Variants in SNX31 observed in about 807,000 individuals in gnomAD.
SNX31 encodes the protein sorting nexin-31.
Under a neutral mutation model 65.4 loss-of-function variants are expected in SNX31, and 58 were observed. The ratio of observed to expected loss-of-function variants is 0.89; its 90% CI spans 0.72 to 1.10. The LOEUF is 1.10. Ranked by LOEUF, SNX31 falls within the 50% of genes least tolerant of loss-of-function variation. The pLI, the probability that SNX31 is intolerant of heterozygous loss-of-function variation, is 0.00. For synonymous variants in SNX31, 181 were observed against 190.1 expected (o/e 0.95, Z 0.39); for missense variants, 523 against 529.7 (o/e 0.99, Z 0.12).
In SNX31 at chr8:100,594,401, C is replaced by A. The variant is rs181432620; in HGVS notation, c.978+2238G>T. The stretch of plus-strand genomic sequence containing the variant: ...AAATATTTGGAAACCAGATGGCCAA[C>A]AAAGAACAAGTATCTAGAATACATA... On this transcript the variant is annotated intron_variant, in intron 10 of 13. Coordinates refer to ENST00000311812, the MANE Select transcript of SNX31 (RefSeq NM_152628.4). This position sits in a 1 kb window ranked among gnomAD's most constrained non-coding sequence, Gnocchi z 4.0. 1.3e-5 allele frequency among the ~76,000 whole-genome samples: 2 copies of A among 152,026 alleles called. No individual in the cohort carries two copies. The highest frequency in any genetic ancestry group is 6.6e-5 in the Admixed American group (1 of 15,254).
chr8:100,631,229 C>G (rs948097698), intron 3 of SNX31, among the ~76,000 whole-genome samples: 1 of 152,022 alleles, frequency 6.6e-6, no homozygotes, highest in African/African-American at 2.4e-5. Flanking sequence ...GCTCCTGACA[C>G]AAATAGCCAG....
chr8:100,635,669 G>C (rs1818719284), intron 3 of SNX31, among the ~76,000 whole-genome samples: 1 of 152,104 alleles, frequency 6.6e-6, no homozygotes, highest in African/African-American at 2.4e-5. Flanking sequence ...AATTATAGTG[G>C]TAGTTGCCAG....
intron 12 of SNX31, among the ~76,000 whole-genome samples, chr8:100,580,467 A>T (rs10101695): frequency 6.6e-6 from 1 of 152,072 alleles, no homozygotes; most frequent in African/African-American, 2.4e-5. Context: ...GACCACATTT[A>T]CCAGACTCCC....
Position 100,622,077 on chromosome 8 carries a change from TGAC to T in SNX31, c.322-4350_322-4348del, listed in dbSNP as rs1817736368. On this transcript the variant is annotated intron_variant, in intron 4 of 13. Transcript: ENST00000311812. This position sits in a 1 kb window ranked among gnomAD's most constrained non-coding sequence, Gnocchi z 5.0. ...AATTTCTGTTTTGTGATTTTGGCCT[TGAC>T]AATGAAAATAACCTGACTAATCGGA... Among the ~76,000 whole-genome samples the T allele has an allele frequency of 6.6e-6, 1 of 152,228 alleles. No homozygotes were observed. Among genetic ancestry groups the T allele is most frequent in the African/African-American group, 2.4e-5 (1 of 41,464 alleles).
At chr8:100,655,071 C>T (rs1820035544) in intron 1 of SNX31, among the ~76,000 whole-genome samples, 1 of 152,080 alleles carries the variant, frequency 6.6e-6, no homozygotes, top group Admixed American at 6.5e-5. Flanking sequence ...AACAACCTTA[C>T]TGCCTAGGAA....
upstream of SNX31, among the ~76,000 whole-genome samples, chr8:100,653,967 T>C (rs1157357507): frequency 6.6e-6 from 1 of 152,196 alleles, no homozygotes; most frequent in African/African-American, 2.4e-5. Context: ...CACAAACTCA[T>C]TTAATGCTTG....
At chr8:100,662,460 G>A (rs1809803408) in intron 1 of SNX31, among the ~76,000 whole-genome samples, 1 of 152,218 alleles carries the variant, frequency 6.6e-6, no homozygotes, top group African/African-American at 2.4e-5. Context: ...CACTTTGGGA[G>A]GCCAAGGTGG....
chr8:100,579,457 C>G (rs1470306569), intron 12 of SNX31, among the ~76,000 whole-genome samples: 2 of 152,174 alleles, frequency 1.3e-5, no homozygotes, highest in Non-Finnish European at 2.9e-5. Flanking sequence ...TAATTTCCCC[C>G]TGGCTGTCTA....
At chr8:100,596,898 C>T in intron 9 of SNX31, 56 bp from the exon 10 acceptor site, 2 of 1,462,088 alleles carry the variant, frequency 1.4e-6, no homozygotes, top group Admixed American at 1.7e-5. Flanking sequence ...CAAAAGACCA[C>T]TTGAAACAGA....
upstream of SNX31, among the ~76,000 whole-genome samples, chr8:100,653,440 C>T (rs2978084): frequency 0.15 from 22,677 of 152,124 alleles, 2,565 homozygotes; most frequent in African/African-American, 0.32. Context: ...GGCAGCTCCA[C>T]ATCCAATTAG....
intron 10 of SNX31, among the ~76,000 whole-genome samples, chr8:100,591,060 C>A (rs1361009330): frequency 1.3e-5 from 2 of 152,134 alleles, no homozygotes; most frequent in African/African-American, 4.8e-5. Context: ...ATATCAAAGA[C>A]TAGGGCTTTA....
rs141104557 is a variant in SNX31, at chr8:100,657,895, TAACAAC to T, written c.-58+5241_-58+5246del. ...CAAAAGAAAACAAAAAAACAAAAAATAACAACAACAACAACAACAACAACAAACAAC... is the reference window on the plus strand; with the variant it reads ...CAAAAGAAAACAAAAAAACAAAAAATAACAACAACAACAACAACAAACAAC... On this transcript the variant is annotated intron_variant, in intron 1 of 5. Transcript: ENST00000520352. 264 of 359,814 alleles carry T rather than the reference TAACAAC, an allele frequency of 7.3e-4. 1 individual carries two copies. The highest frequency in any genetic ancestry group is 4.4e-3 in the African/African-American group (205 of 46,192). 22.3% of individuals were successfully genotyped at this position (359,814 alleles called of 1,614,324 possible). A position where few individuals can be genotyped will look rare whatever the true frequency, so the allele number is the denominator to read the frequency against.
intron 10 of SNX31, among the ~76,000 whole-genome samples, chr8:100,591,150 T>C (rs571237686): frequency 6.6e-6 from 1 of 152,236 alleles, no homozygotes; most frequent in Admixed American, 6.5e-5. Context: ...TAAACCTACA[T>C]GAGGCTGGGG....
In SNX31 at chr8:100,646,359, T is replaced by C. The variant is rs140845544; in HGVS notation, c.141+2915A>G. On this transcript the variant is annotated intron_variant, in intron 2 of 13. Coordinates refer to ENST00000311812, the MANE Select transcript of SNX31 (RefSeq NM_152628.4). ...AGAGGAGAGACCCGGCAAGCAAAAG[T>C]GGTCTTAGTATACAGAGGAAACCCA... Among the ~76,000 whole-genome samples the C allele has an allele frequency of 2.2e-3, 329 of 152,200 alleles. 1 individual carries two copies. Among genetic ancestry groups the C allele is most frequent in the Non-Finnish European group, 3.7e-3 (255 of 68,006 alleles).
At chr8:100,655,944 TGA>T (rs1461648488) in intron 1 of SNX31, among the ~76,000 whole-genome samples, 1 of 152,186 alleles carries the variant, frequency 6.6e-6, no homozygotes, top group Non-Finnish European at 1.5e-5. Context: ...GGAAGTTTTT[TGA>T]GAGAAAAGAT....
chr8:100,643,406 A>G (rs533832384), intron 2 of SNX31, among the ~76,000 whole-genome samples: 42 of 152,204 alleles, frequency 2.8e-4, no homozygotes, highest in African/African-American at 1.0e-3. Context: ...CAGACACAAA[A>G]GGTGTCTGTT....
intron 2 of SNX31, among the ~76,000 whole-genome samples, chr8:100,636,703 G>C (rs1228553315): frequency 6.6e-6 from 1 of 151,684 alleles, no homozygotes. Context: ...AATTACACAG[G>C]TGACTCATAT....
chr8:100,627,490 T>C (rs1477858659), intron 4 of SNX31, among the ~76,000 whole-genome samples: 1 of 152,214 alleles, frequency 6.6e-6, no homozygotes, highest in Non-Finnish European at 1.5e-5. Context: ...CGATTACATG[T>C]GCAGATATAG....
At chr8:100,596,607 T>C (rs758216934) in intron 10 of SNX31, 32 bp downstream of exon 10, 1 of 1,596,390 alleles carries the variant, frequency 6.3e-7, no homozygotes, top group Non-Finnish European at 8.6e-7. Context: ...GATTTTTAAG[T>C]CATGGGCAAA....
Sources: gnomAD v4.1 joint callset for allele counts (sites outside exome capture counted in the v4.1 genomes callset) on GRCh38, gnomAD v4.1.1 for gene constraint, Gnocchi (gnomAD v3.1) non-coding constraint, MANE v1.5 for transcripts, NCBI Gene and HGNC (gene_info 2026-07-23, HGNC 2026-07-21) for gene names.